GRID2: variants seen among roughly 807,000 people sequenced by gnomAD.
GRID2 encodes the protein glutamate ionotropic receptor delta type subunit 2, also known as glutamate receptor ionotropic, delta-2.
A neutral mutation model predicts 114.8 loss-of-function variants in GRID2; 33 were observed. The observed-to-expected ratio is 0.29, with a 90% CI of 0.22 to 0.38. The LOEUF (loss-of-function observed/expected upper bound fraction) is 0.38, where lower values mean the gene tolerates loss of function less well. Ranked by LOEUF, GRID2 falls within the 10% of genes least tolerant of loss-of-function variation. GRID2 has a pLI of 1.00. For missense variants in GRID2, 1,184 were observed against 1,257.7 expected (o/e 0.94, Z 0.89); for synonymous variants, 505 against 449.9 (o/e 1.12, Z -1.55).
chr4:92,877,238 C>A (rs1436661640), intron 2 of GRID2, among the ~76,000 whole-genome samples: 1 of 152,158 alleles, frequency 6.6e-6, no homozygotes, highest in Non-Finnish European at 1.5e-5. Flanking sequence ...TAGTACACTG[C>A]ATCTAAGGTA....
chr4:92,477,648 AAT>A (rs1330073513), intron 1 of GRID2, among the ~76,000 whole-genome samples: 1 of 150,978 alleles, frequency 6.6e-6, no homozygotes, highest in African/African-American at 2.4e-5. Flanking sequence ...ATTTGGTTTT[AAT>A]ATATATATAT....
At chr4:93,515,066 A>G (rs999918476) in intron 12 of GRID2, 150 bp from the exon 13 acceptor site, 10 of 414,472 alleles carry the variant, frequency 2.4e-5, no homozygotes, top group Non-Finnish European at 3.8e-5. Context: ...CTTACACATT[A>G]TATCCTAATA....
At chr4:93,537,916 G>A (rs1266935081) in intron 13 of GRID2, among the ~76,000 whole-genome samples, 2 of 151,476 alleles carry the variant, frequency 1.3e-5, no homozygotes, top group African/African-American at 2.4e-5. Flanking sequence ...CCATAATGCA[G>A]TTACTAAACA....
At chr4:92,431,328 T>A (rs79285569) in intron 1 of GRID2, among the ~76,000 whole-genome samples, 356 of 152,310 alleles carry the variant, frequency 2.3e-3, no homozygotes, top group South Asian at 0.011. Flanking sequence ...TGTTGAATTT[T>A]ATCAAACACT....
At chr4:93,511,839 C>T (rs769300857) in intron 12 of GRID2, among the ~76,000 whole-genome samples, 49 of 149,592 alleles carry the variant, frequency 3.3e-4, no homozygotes, top group South Asian at 1.3e-3. Flanking sequence ...GGCTAGAGTG[C>T]AATGGTGCAA....
In GRID2 at chr4:93,131,660, A is replaced by G. The variant is rs1451520942; in HGVS notation, c.735+20707A>G. ...TTTTATAGATGCATACTAGTTGCATATATTTATGGGGTACATATGGTATTT... is the reference window on the plus strand; with the variant it reads ...TTTTATAGATGCATACTAGTTGCATGTATTTATGGGGTACATATGGTATTT... On this transcript the variant is annotated intron_variant, in intron 4 of 15. Coordinates refer to ENST00000282020, the MANE Select transcript of GRID2 (RefSeq NM_001510.4). Among the ~76,000 whole-genome samples the G allele has an allele frequency of 4.6e-5, 7 of 152,038 alleles. No homozygotes were observed. In the East Asian group the frequency reaches 1.4e-3, roughly 29 times the overall value.
At chr4:92,919,273 T>C (rs117734842) in intron 2 of GRID2, among the ~76,000 whole-genome samples, 2,248 of 152,300 alleles carry the variant, frequency 0.015, 20 homozygotes, top group East Asian at 0.053. Flanking sequence ...TAGCTGTCTA[T>C]CAATTTTGTT....
chr4:92,805,805 GA>G (rs1026493342), intron 2 of GRID2, among the ~76,000 whole-genome samples: 3 of 151,396 alleles, frequency 2.0e-5, no homozygotes, highest in South Asian at 2.1e-4. Context: ...TTAAAAGAAA[GA>G]AAAAAAAGTA....
In GRID2 at chr4:93,712,302, G is replaced by A. The variant is rs865930787; in HGVS notation, c.2361-56908G>A. On this transcript the variant is annotated intron_variant, in intron 14 of 15. Transcript: ENST00000282020. Reference sequence around the variant, plus strand: ...TAATCTACTTGGAATCTATCTTTTAGTGTGCTGTGAAATAGTGATGCAATT... The same window carrying A: ...TAATCTACTTGGAATCTATCTTTTAATGTGCTGTGAAATAGTGATGCAATT... Among the ~76,000 whole-genome samples, 7 of 151,534 alleles carry A rather than the reference G, an allele frequency of 4.6e-5. 1 individual carries two copies. In the Middle Eastern group the frequency reaches 0.017, roughly 373 times the overall value.
intron 2 of GRID2, among the ~76,000 whole-genome samples, chr4:92,851,832 G>C (rs1363999247): frequency 6.6e-6 from 1 of 151,956 alleles, no homozygotes; most frequent in East Asian, 1.9e-4. Flanking sequence ...ATGTGAAAAA[G>C]TGGGTGAACT....
intron 1 of GRID2, among the ~76,000 whole-genome samples, chr4:92,346,534 T>G (rs1262757955): frequency 6.6e-6 from 1 of 151,940 alleles, no homozygotes; most frequent in Non-Finnish European, 1.5e-5. Flanking sequence ...CCTGGCCAAT[T>G]TTTGTGTTTT....
chr4:93,344,659 G>A (rs1160024), intron 8 of GRID2, among the ~76,000 whole-genome samples: 102,989 of 147,744 alleles, frequency 0.7, 36,943 homozygotes, highest in African/African-American at 0.87. Context: ...TATATTTACA[G>A]TATATTTTTA....
chr4:93,170,382 C>G (rs1181748888), intron 4 of GRID2, among the ~76,000 whole-genome samples: 1 of 151,490 alleles, frequency 6.6e-6, no homozygotes, highest in South Asian at 2.1e-4. Flanking sequence ...CTGTGCTGGG[C>G]CCCCCCCTTT....
At chr4:92,889,706 G>T (rs1173039232) in intron 2 of GRID2, among the ~76,000 whole-genome samples, 1 of 152,116 alleles carries the variant, frequency 6.6e-6, no homozygotes, top group African/African-American at 2.4e-5. Context: ...GTAATTTATA[G>T]ATTCAATACT....
At chr4:93,268,340 T>C (rs1275253425) in intron 8 of GRID2, among the ~76,000 whole-genome samples, 3 of 152,192 alleles carry the variant, frequency 2.0e-5, no homozygotes, top group Non-Finnish European at 4.4e-5. Flanking sequence ...TCTCATCTTA[T>C]AGGGACACCA....
At position 93,139,367 on chromosome 4, in the gene GRID2, C is replaced by G. The variant is rs115978525; in HGVS notation, c.735+28414C>G. Among the ~76,000 whole-genome samples the G allele has an allele frequency of 8.3e-3, 1,265 of 152,202 alleles. 23 individuals carry two copies. Among genetic ancestry groups the G allele is most frequent in the African/African-American group, 0.029 (1,198 of 41,532 alleles). On this transcript the variant is annotated intron_variant, in intron 4 of 15. Coordinates refer to ENST00000282020, the MANE Select transcript of GRID2 (RefSeq NM_001510.4). Reference sequence around the variant, plus strand: ...ATCAATACACTGAACACATTATTCTCCCCATTGGCTGAACCTCCTGAAGTC... The same window carrying G: ...ATCAATACACTGAACACATTATTCTGCCCATTGGCTGAACCTCCTGAAGTC...
In GRID2 at chr4:93,126,723, G is replaced by A. The variant is rs571157735; in HGVS notation, c.735+15770G>A. Among the ~76,000 whole-genome samples the A allele has an allele frequency of 3.1e-3, 435 of 141,770 alleles. 4 individuals carry two copies. The highest frequency in any genetic ancestry group is 5.0e-3 in the Non-Finnish European group (332 of 66,028). 93.0% of individuals were successfully genotyped at this position (141,770 alleles called of 152,430 possible). ...CGCCATTCTCCTGCCTCAGCCTCCC[G>A]AGTAGCTGGGACTACAGGCGCCCGC... On this transcript the variant is annotated intron_variant, in intron 4 of 15. Transcript: ENST00000282020.
At chr4:93,715,029 G>C (rs1423415033) in intron 14 of GRID2, among the ~76,000 whole-genome samples, 1 of 152,138 alleles carries the variant, frequency 6.6e-6, no homozygotes, top group East Asian at 1.9e-4. Flanking sequence ...GAATGGTATT[G>C]CCTAGATTTT....
chr4:93,480,311 C>T (rs1725725777), intron 11 of GRID2, among the ~76,000 whole-genome samples: 1 of 151,970 alleles, frequency 6.6e-6, no homozygotes, highest in Non-Finnish European at 1.5e-5. Flanking sequence ...ACCTTGACCC[C>T]TTCTTCAGTA....
Sources: gnomAD v4.1 joint callset for allele counts (sites outside exome capture counted in the v4.1 genomes callset) on GRCh38, gnomAD v4.1.1 for gene constraint, MANE v1.5 for transcripts, NCBI Gene and HGNC (gene_info 2026-07-23, HGNC 2026-07-21) for gene names.